The following FOCAD variants were observed in gnomAD, a reference collection of about 807,000 sequenced individuals.
FOCAD encodes the protein KIAA1797.
Under a neutral mutation model 225.6 loss-of-function variants are expected in FOCAD, and 198 were observed. The observed-to-expected ratio is 0.88, with a 90% CI of 0.78 to 0.99. The LOEUF (loss-of-function observed/expected upper bound fraction) is 0.99, where lower values mean the gene tolerates loss of function less well. FOCAD is among the 50% of genes least tolerant of loss of function. FOCAD has a pLI of 0.00. For missense variants in FOCAD, 2,713 were observed against 2,123.6 expected, an observed-to-expected ratio of 1.28 and a Z score of -5.46; for synonymous variants, 897 against 755.0, an observed-to-expected ratio of 1.19 and a Z score of -3.08.
intron 11 of FOCAD, 41 bp from the exon 12 acceptor site, chr9:20,819,754 TG>T (rs1824117142): frequency 9.1e-7 from 1 of 1,102,864 alleles, no homozygotes; most frequent in Admixed American, 2.5e-5. Flanking sequence ...ATTACTTTTT[TG>T]TAACAAGGCA....
rs144481910 is a variant in FOCAD at position 20,976,406 on chromosome 9, A to T, written c.4133-14A>T. 6.2e-7 allele frequency: 1 copy of T among 1,609,822 alleles called. No individual in the cohort carries two copies. The highest frequency in any genetic ancestry group is 2.2e-5 in the East Asian group (1 of 44,818). On this transcript the variant is annotated splice_polypyrimidine_tract_variant and intron_variant, in intron 35 of 43. Transcript: ENST00000338382. The stretch of plus-strand genomic sequence containing the variant: ...TGCAGGTGTTTTACTATTATTTTTC[A>T]CTGTCTGTTATAGGTCCTGAATCTG...
At chr9:20,688,655 C>T (rs112537438) in intron 1 of FOCAD, among the ~76,000 whole-genome samples, 6,319 of 152,100 alleles carry the variant, frequency 0.042, 463 homozygotes, top group African/African-American at 0.14. Context: ...AGAAGGGAAA[C>T]GCTGGGAAAC....
chr9:20,821,996 T>TAAAAAAA (rs58640962), intron 14 of FOCAD, among the ~76,000 whole-genome samples: 1 of 49,300 alleles, frequency 2.0e-5, no homozygotes, highest in Non-Finnish European at 3.6e-5. Flanking sequence ...TAAAAGTTAC[T>TAAAAAAA]AAAAAAAAAA....
chr9:20,946,662 C>T (rs371999454), intron 29 of FOCAD, 39 bp from the exon 30 acceptor site: 1 of 1,576,484 alleles, frequency 6.3e-7, no homozygotes, highest in Non-Finnish European at 8.6e-7. Flanking sequence ...TTTATTTTTC[C>T]TCCTGAAGAC....
chr9:20,831,428 T>G (rs927966870), intron 15 of FOCAD, among the ~76,000 whole-genome samples: 14 of 152,100 alleles, frequency 9.2e-5, no homozygotes, highest in Admixed American at 9.2e-4. Context: ...ATTGAAAACT[T>G]GAGCCAGGCT....
chr9:20,901,093 G>A (rs367993066), intron 21 of FOCAD, among the ~76,000 whole-genome samples: 17 of 151,744 alleles, frequency 1.1e-4, no homozygotes, highest in African/African-American at 3.6e-4. Flanking sequence ...GAATACTGAA[G>A]CCCATTATTT....
intron 1 of FOCAD, among the ~76,000 whole-genome samples, chr9:20,709,660 C>A (rs188326438): frequency 6.6e-6 from 1 of 152,118 alleles, no homozygotes; most frequent in Non-Finnish European, 1.5e-5. Flanking sequence ...TATAAGTCTT[C>A]AGCAAATGAA....
At position 20,750,656 on chromosome 9, in the gene FOCAD, A is replaced by G. The variant is rs117186747; in HGVS notation, c.393-7434A>G. Among the ~76,000 whole-genome samples, 117 of 152,294 alleles carry G rather than the reference A, an allele frequency of 7.7e-4. 1 individual carries two copies. Among genetic ancestry groups the G allele is most frequent in the Non-Finnish European group, 1.3e-3 (91 of 68,014 alleles). ...CTCTATTAAGGAGAAAGCAGAATCT[A>G]TTGGCTATCTCAGGAGTTAGGAAAT... On this transcript the variant is annotated intron_variant, in intron 5 of 43. Coordinates refer to ENST00000338382, the MANE Select transcript of FOCAD (RefSeq NM_001375567.1).
intron 21 of FOCAD, among the ~76,000 whole-genome samples, chr9:20,898,170 C>G (rs1015524389): frequency 6.6e-6 from 1 of 151,618 alleles, no homozygotes; most frequent in African/African-American, 2.4e-5. Context: ...TTAAAAAAAT[C>G]ATTGCTTTTA....
At chr9:20,699,781 T>TATATATATATAC (rs1321095525) in intron 1 of FOCAD, among the ~76,000 whole-genome samples, 17 of 71,448 alleles carry the variant, frequency 2.4e-4, no homozygotes, top group Middle Eastern at 8.2e-3. Flanking sequence ...AAAATATATA[T>TATATATATATAC]ATATATATAT....
At chr9:20,966,959 T>C (rs1360404033) in intron 35 of FOCAD, among the ~76,000 whole-genome samples, 1 of 151,982 alleles carries the variant, frequency 6.6e-6, no homozygotes, top group East Asian at 1.9e-4. Flanking sequence ...TGTGCATGAG[T>C]TCTGTACATT....
chr9:20,903,942 C>G (rs1244294278), intron 21 of FOCAD, among the ~76,000 whole-genome samples: 3 of 151,852 alleles, frequency 2.0e-5, no homozygotes, highest in Non-Finnish European at 4.4e-5. Context: ...TCTCCCCCGG[C>G]AGCTACTAAT....
At chr9:20,906,123 A>G (rs1047886717) in intron 21 of FOCAD, among the ~76,000 whole-genome samples, 1 of 151,994 alleles carries the variant, frequency 6.6e-6, no homozygotes, top group African/African-American at 2.4e-5. Context: ...CCTTGTATAT[A>G]GTAGGCCCTC....
At position 20,778,674 on chromosome 9, in the gene FOCAD, C is replaced by G. The variant is rs1819049676; in HGVS notation, c.907-7C>G. 1.9e-6 allele frequency: 3 copies of G among 1,574,486 alleles called. No individual in the cohort carries two copies. The highest frequency in any genetic ancestry group is 1.1e-5 in the South Asian group (1 of 89,784). On this transcript the variant is annotated splice_polypyrimidine_tract_variant and splice_region_variant and intron_variant, in intron 8 of 43. Transcript: ENST00000338382. ...AACAACTCCTTTTTCCCCCTCTATT[C>G]TTTTAGGATTTTCCTGTTGAACTGG...
intron 8 of FOCAD, 97 bp downstream of exon 8, chr9:20,770,335 G>T: frequency 8.7e-7 from 1 of 1,146,604 alleles, no homozygotes; most frequent in Non-Finnish European, 1.2e-6. Context: ...TTGGCTTACA[G>T]TCTGGCAGGC....
At chr9:20,824,625 C>G (rs1175953940) in intron 15 of FOCAD, among the ~76,000 whole-genome samples, 1 of 152,114 alleles carries the variant, frequency 6.6e-6, no homozygotes. Context: ...TTTTTAGGCA[C>G]TAGTGTACAT....
chr9:20,694,970 G>C (rs1327550430), intron 1 of FOCAD, among the ~76,000 whole-genome samples: 1 of 152,106 alleles, frequency 6.6e-6, no homozygotes, highest in Non-Finnish European at 1.5e-5. Context: ...TGGTTACTAT[G>C]TCTGTTTAGT....
In FOCAD at chr9:20,867,804, G is replaced by A. The variant is rs572080005; in HGVS notation, c.2190+792G>A. Among the ~76,000 whole-genome samples the A allele has an allele frequency of 3.3e-5, 5 of 152,134 alleles. No homozygotes were observed. The East Asian group carries it at 9.6e-4, about 29-fold the overall frequency. Reference sequence around the variant, plus strand: ...ACTCAGAATCTGTCTTTGAAGTTACGTGGCAAGAAGGTTTGGTGTGAATTC... The same window carrying A: ...ACTCAGAATCTGTCTTTGAAGTTACATGGCAAGAAGGTTTGGTGTGAATTC... On this transcript the variant is annotated intron_variant, in intron 18 of 43. Transcript: ENST00000338382.
intron 14 of FOCAD, 34 bp downstream of exon 14, chr9:20,821,105 A>T (rs1037935821): frequency 1.3e-6 from 2 of 1,580,698 alleles, no homozygotes; most frequent in Non-Finnish European, 1.7e-6. Context: ...AATGTATATC[A>T]TGATATATTA....
Sources: allele counts gnomAD v4.1 joint callset (sites outside exome capture counted in the v4.1 genomes callset), GRCh38; gene constraint gnomAD v4.1.1; transcripts MANE v1.5; gene names NCBI Gene and HGNC (gene_info 2026-07-23, HGNC 2026-07-21).